The following ARHGAP10 variants were observed in gnomAD, a reference collection of about 807,000 sequenced individuals.
The protein encoded by ARHGAP10 is Rho GTPase activating protein 10.
ARHGAP10 carries 87 observed loss-of-function variants against 108.6 expected under a neutral mutation model. The observed-to-expected ratio is 0.80, with a 90% CI of 0.67 to 0.96. The LOEUF (loss-of-function observed/expected upper bound fraction) is 0.96, where lower values mean the gene tolerates loss of function less well. Ranked by LOEUF, ARHGAP10 falls within the 40% of genes least tolerant of loss-of-function variation. The pLI is 0.00. For missense variants in ARHGAP10, 939 were observed against 954.5 expected, an observed-to-expected ratio of 0.98 and a Z score of 0.21; for synonymous variants, 347 against 341.1, an observed-to-expected ratio of 1.02 and a Z score of -0.19.
At chr4:148,060,838 A>G (rs576539090) in intron 20 of ARHGAP10, among the ~76,000 whole-genome samples, 2 of 152,198 alleles carry the variant, frequency 1.3e-5, no homozygotes, top group African/African-American at 4.8e-5. Context: ...GCTAGATCAC[A>G]TAGCGCATGT....
At chr4:147,804,797 C>T (rs900003635) in intron 1 of ARHGAP10, among the ~76,000 whole-genome samples, 1 of 151,924 alleles carries the variant, frequency 6.6e-6, no homozygotes, top group Non-Finnish European at 1.5e-5. Flanking sequence ...TTGAAAAGTT[C>T]TTGTCCTTTG....
chr4:147,882,267 C>CTG (rs1735357248), intron 10 of ARHGAP10, among the ~76,000 whole-genome samples: 1 of 151,982 alleles, frequency 6.6e-6, no homozygotes, highest in Non-Finnish European at 1.5e-5. Context: ...TCAAGACCAT[C>CTG]CAGGCCAAAA....
chr4:147,744,937 G>T (rs996406210), intron 1 of ARHGAP10, among the ~76,000 whole-genome samples: 3 of 152,092 alleles, frequency 2.0e-5, no homozygotes, highest in African/African-American at 2.4e-5. Context: ...GAATGTAGAG[G>T]GAGAAGGCAG....
At chr4:147,822,662 A>G in intron 1 of ARHGAP10, 65 bp from the exon 2 acceptor site, 1 of 1,494,636 alleles carries the variant, frequency 6.7e-7, no homozygotes, top group Non-Finnish European at 9.3e-7. Flanking sequence ...TTTAGGAAGA[A>G]TAAATTTCTT....
intron 14 of ARHGAP10, 182 bp from the exon 15 acceptor site, chr4:147,946,435 A>G (rs1436792980): frequency 1.8e-5 from 9 of 495,734 alleles, no homozygotes; most frequent in Non-Finnish European, 2.8e-5. Flanking sequence ...ACGAAGTGCC[A>G]GAAGTGTCTA....
intron 15 of ARHGAP10, 28 bp downstream of exon 15, chr4:147,946,732 A>G (rs1178938970): frequency 7.2e-6 from 11 of 1,525,716 alleles, no homozygotes; most frequent in Non-Finnish European, 9.8e-6. Context: ...GCAAGAAAGA[A>G]GAATGGACTA....
chr4:147,911,191 G>A (rs1237200574), intron 12 of ARHGAP10, among the ~76,000 whole-genome samples: 7 of 85,078 alleles, frequency 8.2e-5, no homozygotes, highest in Non-Finnish European at 2.5e-4. Context: ...GAATTCTTGA[G>A]CAGAAAACCA....
chr4:147,853,740 A>AT (rs59966813), intron 4 of ARHGAP10, among the ~76,000 whole-genome samples: 19,484 of 149,580 alleles, frequency 0.13, 1,332 homozygotes, highest in African/African-American at 0.19. Flanking sequence ...GATTATTATG[A>AT]TTTTTTTTTT....
chr4:147,851,610 A>C (rs1437454851), intron 4 of ARHGAP10, among the ~76,000 whole-genome samples: 1 of 152,226 alleles, frequency 6.6e-6, no homozygotes, highest in Non-Finnish European at 1.5e-5. Flanking sequence ...CTCATATTAC[A>C]TTGTATTTAA....
chr4:147,907,721 T>C (rs189552999), intron 11 of ARHGAP10, among the ~76,000 whole-genome samples: 63 of 152,286 alleles, frequency 4.1e-4, no homozygotes, highest in African/African-American at 1.5e-3. Context: ...TAACATAGTA[T>C]AAAAATTGAT....
At chr4:147,839,427 T>C (rs985156614) in intron 3 of ARHGAP10, among the ~76,000 whole-genome samples, 1 of 152,210 alleles carries the variant, frequency 6.6e-6, no homozygotes, top group Non-Finnish European at 1.5e-5. Context: ...GGGGAACGGA[T>C]GTAAAATTCC....
chr4:147,819,405 C>T (rs1426870755), intron 1 of ARHGAP10, among the ~76,000 whole-genome samples: 1 of 152,022 alleles, frequency 6.6e-6, no homozygotes, highest in East Asian at 1.9e-4. Flanking sequence ...TCTGGCAAAG[C>T]AAACAGCAAA....
At chr4:147,768,587 A>T (rs920332428) in intron 1 of ARHGAP10, among the ~76,000 whole-genome samples, 1 of 152,162 alleles carries the variant, frequency 6.6e-6, no homozygotes, top group Admixed American at 6.6e-5. Flanking sequence ...ACATAATGAA[A>T]TAATTGTTCA....
In ARHGAP10 at chr4:147,888,334, A is replaced by G. The variant is rs114994569; in HGVS notation, c.1034+6402A>G. Among the ~76,000 whole-genome samples the G allele has an allele frequency of 5.0e-3, 766 of 152,224 alleles. 8 individuals carry two copies. The highest frequency in any genetic ancestry group is 0.017 in the African/African-American group (717 of 41,516). ...TCTTATATCCAGCTGCCTACTCAGT[A>G]TTGCTTCTGGGGTGTCTAAAAGGCA... On this transcript the variant is annotated intron_variant, in intron 10 of 22. Transcript: ENST00000336498.
intron 10 of ARHGAP10, among the ~76,000 whole-genome samples, chr4:147,895,477 C>G (rs1735955880): frequency 7.0e-6 from 1 of 143,872 alleles, no homozygotes; most frequent in African/African-American, 2.6e-5. Flanking sequence ...TAGAGACCAG[C>G]CTAGGCAATG....
In ARHGAP10 at chr4:147,881,841, G is replaced by A. The variant is rs746306875; in HGVS notation, c.943G>A (p.Asp315Asn). 1.2e-6 allele frequency: 2 copies of A among 1,613,898 alleles called. No homozygotes were observed. The highest frequency in any genetic ancestry group is 2.2e-5 in the East Asian group (1 of 44,860). The change falls in exon 10 of 23, where the codon GAC becomes AAC. Residue 315 changes from aspartate (D) to asparagine (N), a missense_variant. By Grantham distance (23) the Asp-to-Asn change is conservative. Coordinates refer to ENST00000336498, the MANE Select transcript of ARHGAP10 (RefSeq NM_024605.4). Reference protein sequence around the residue: ...FEHRSGGKLGDGEVFFLKECT... With the variant: ...FEHRSGGKLGNGEVFFLKECT... The stretch of plus-strand genomic sequence containing the variant: ...TGTTCAAAATGATTATTTGCAGGGG[G>A]ACGGAGAGGTGTTCTTTTTGAAAGA...
chr4:147,865,945 A>T (rs939809430), intron 6 of ARHGAP10: 1 of 152,238 alleles, frequency 6.6e-6, no homozygotes. Flanking sequence ...ATTCCACACT[A>T]TAACTCAATG....
At chr4:147,801,159 A>G (rs567427997) in intron 1 of ARHGAP10, among the ~76,000 whole-genome samples, 20 of 152,330 alleles carry the variant, frequency 1.3e-4, no homozygotes, top group African/African-American at 4.1e-4. Flanking sequence ...TGTCAGCAAA[A>G]TTTAGCATTT....
intron 10 of ARHGAP10, among the ~76,000 whole-genome samples, chr4:147,888,214 G>A (rs1735648161): frequency 6.6e-6 from 1 of 152,102 alleles, no homozygotes; most frequent in Non-Finnish European, 1.5e-5. Context: ...ACTTTTTTAT[G>A]ACCTTGTCCA....
Sources: allele counts gnomAD v4.1 joint callset (sites outside exome capture counted in the v4.1 genomes callset), GRCh38; gene constraint gnomAD v4.1.1; transcripts MANE v1.5; gene names NCBI Gene and HGNC (gene_info 2026-07-23, HGNC 2026-07-21).